Variants in AIG1 observed in about 807,000 individuals in gnomAD.
AIG1 encodes androgen induced 1.
In AIG1, 23 loss-of-function variants were observed where a neutral mutation model predicts 31.4. The observed-to-expected ratio is 0.73, with a 90% CI of 0.53 to 1.04. The LOEUF (loss-of-function observed/expected upper bound fraction) is 1.04, where lower values mean the gene tolerates loss of function less well. AIG1 is among the 50% of genes least tolerant of loss of function. The probability of loss-of-function intolerance (pLI) is 0.00; values close to 1 mark genes in which losing one functional copy is unlikely to be tolerated. For missense variants in AIG1, 274 were observed against 295.0 expected, an observed-to-expected ratio of 0.93 and a Z score of 0.52; for synonymous variants, 100 against 110.5, an observed-to-expected ratio of 0.90 and a Z score of 0.60.
chr6:143,210,586 T>C (rs1562492421), intron 3 of AIG1, among the ~76,000 whole-genome samples: 1 of 152,182 alleles, frequency 6.6e-6, no homozygotes, highest in Non-Finnish European at 1.5e-5. Context: ...AAGAGCCCTG[T>C]GATGCTGAAG....
chr6:143,106,377 C>T (rs1320187053), intron 1 of AIG1, among the ~76,000 whole-genome samples: 2 of 152,198 alleles, frequency 1.3e-5, no homozygotes, highest in African/African-American at 2.4e-5. Flanking sequence ...ACAGTAATTT[C>T]TGTTGTTTAA....
chr6:143,214,438 T>C (rs1791842824), intron 3 of AIG1, among the ~76,000 whole-genome samples: 1 of 152,198 alleles, frequency 6.6e-6, no homozygotes, highest in Non-Finnish European at 1.5e-5. Context: ...TCTAGGTTAT[T>C]ATTATTAGGC....
chr6:143,076,496 G>A (rs1183027089), intron 1 of AIG1, among the ~76,000 whole-genome samples: 2 of 151,894 alleles, frequency 1.3e-5, no homozygotes, highest in Non-Finnish European at 2.9e-5. Context: ...ACATATAGTT[G>A]CATCTTATTT....
At chr6:143,082,325 T>C (rs943280758) in intron 1 of AIG1, among the ~76,000 whole-genome samples, 1 of 152,110 alleles carries the variant, frequency 6.6e-6, no homozygotes, top group African/African-American at 2.4e-5. Context: ...AGTATACAAG[T>C]TGAGGTCGGG....
intron 3 of AIG1, among the ~76,000 whole-genome samples, chr6:143,213,501 CT>C (rs1791749463): frequency 1.3e-5 from 1 of 78,084 alleles, no homozygotes; most frequent in Non-Finnish European, 3.1e-5. Flanking sequence ...CTTTCTTTTT[CT>C]TTCTTCTTTT....
At chr6:143,235,681 A>G (rs1394175912) in intron 3 of AIG1, among the ~76,000 whole-genome samples, 1 of 152,224 alleles carries the variant, frequency 6.6e-6, no homozygotes, top group Non-Finnish European at 1.5e-5. Flanking sequence ...TAAATAAACA[A>G]CAGAAAAGGA....
chr6:143,301,864 A>G (rs935653005), intron 4 of AIG1, among the ~76,000 whole-genome samples: 3 of 152,226 alleles, frequency 2.0e-5, no homozygotes, highest in East Asian at 1.9e-4. Flanking sequence ...TAGAATATTG[A>G]TAGTGCTAGT....
At chr6:143,107,700 C>T (rs73777872) in intron 1 of AIG1, among the ~76,000 whole-genome samples, 42 of 152,234 alleles carry the variant, frequency 2.8e-4, no homozygotes, top group African/African-American at 9.9e-4. Context: ...GGGAAGAATT[C>T]TAGGTCAGAG....
intron 3 of AIG1, among the ~76,000 whole-genome samples, chr6:143,183,489 C>G (rs555927211): frequency 6.6e-6 from 1 of 152,162 alleles, no homozygotes; most frequent in Admixed American, 6.5e-5. Flanking sequence ...ACACCACGCC[C>G]GGTCAGACAA....
intron 2 of AIG1, among the ~76,000 whole-genome samples, chr6:143,162,522 G>T (rs558178525): frequency 1.3e-5 from 2 of 152,324 alleles, no homozygotes; most frequent in East Asian, 3.9e-4. Context: ...ATCCCCTGCT[G>T]CACCAGTGTG....
chr6:143,117,146 G>A (rs543327727), intron 1 of AIG1, among the ~76,000 whole-genome samples: 76 of 152,254 alleles, frequency 5.0e-4, no homozygotes, highest in African/African-American at 1.7e-3. Flanking sequence ...TGGAGGAAGT[G>A]AGGGTGCAGT....
chr6:143,097,792 G>A (rs192525429), intron 1 of AIG1, among the ~76,000 whole-genome samples: 1 of 152,234 alleles, frequency 6.6e-6, no homozygotes, highest in African/African-American at 2.4e-5. Flanking sequence ...AAAGCAATCG[G>A]AAGAAGCTTC....
Position 143,325,315 on chromosome 6 carries a change from G to T in AIG1, c.516-7967G>T, listed in dbSNP as rs899139808. Among the ~76,000 whole-genome samples, 1 of 152,090 alleles carries T rather than the reference G, an allele frequency of 6.6e-6. No homozygotes were observed. The highest frequency in any genetic ancestry group is 1.5e-5 in the Non-Finnish European group (1 of 68,032). On this transcript the variant is annotated intron_variant, in intron 4 of 5. Coordinates refer to ENST00000357847, the MANE Select transcript of AIG1 (RefSeq NM_016108.4). This position sits in a 1 kb window ranked among gnomAD's most constrained non-coding sequence, Gnocchi z 4.3. ...CCCTTTCATGGGCCCACTTCCTTCA[G>T]ACCCTGTACTCTTCCTGGGTCTCAG...
rs1795409670 is a variant in AIG1 at position 143,256,892 on chromosome 6, A to G, written c.400-27218A>G. On this transcript the variant is annotated intron_variant, in intron 3 of 5. Coordinates refer to ENST00000357847, the MANE Select transcript of AIG1 (RefSeq NM_016108.4). This position sits in a 1 kb window ranked among gnomAD's most constrained non-coding sequence, Gnocchi z 4.6. ...GGTAAAAATGTCAATAGGGGATGCA[A>G]AAATTAAGACAACATACATGTCCTT... is the stretch of plus-strand genomic sequence containing the variant. Among the ~76,000 whole-genome samples the G allele has an allele frequency of 6.6e-6, 1 of 152,228 alleles. No individual in the cohort carries two copies. Among genetic ancestry groups the G allele is most frequent in the Non-Finnish European group, 1.5e-5 (1 of 68,028 alleles).
chr6:143,086,205 G>A (rs1395276255), intron 1 of AIG1, among the ~76,000 whole-genome samples: 1 of 152,152 alleles, frequency 6.6e-6, no homozygotes, highest in Non-Finnish European at 1.5e-5. Flanking sequence ...ACTGTTTTCA[G>A]GCTACACCCT....
intron 1 of AIG1, among the ~76,000 whole-genome samples, chr6:143,129,566 A>G (rs1055378833): frequency 1.3e-5 from 2 of 152,228 alleles, no homozygotes; most frequent in Admixed American, 6.5e-5. Context: ...ACTGTTAATT[A>G]TATAAATCTG....
At chr6:143,177,861 T>A (rs896796899) in intron 3 of AIG1, among the ~76,000 whole-genome samples, 1 of 152,158 alleles carries the variant, frequency 6.6e-6, no homozygotes, top group Non-Finnish European at 1.5e-5. Context: ...GATCTGCTGC[T>A]GGAGGGGCTG....
intron 4 of AIG1, among the ~76,000 whole-genome samples, chr6:143,312,963 A>G (rs1289747256): frequency 6.6e-6 from 1 of 152,182 alleles, no homozygotes; most frequent in Non-Finnish European, 1.5e-5. Flanking sequence ...GGTGCTCAAC[A>G]TCACTGATCA....
chr6:143,093,078 C>T (rs937645573), intron 1 of AIG1, among the ~76,000 whole-genome samples: 1 of 151,930 alleles, frequency 6.6e-6, no homozygotes, highest in African/African-American at 2.4e-5. Flanking sequence ...TCATCCCTCC[C>T]CTCACAAAAA....
Sources: gnomAD v4.1 joint callset for allele counts (sites outside exome capture counted in the v4.1 genomes callset) on GRCh38, gnomAD v4.1.1 for gene constraint, Gnocchi (gnomAD v3.1) non-coding constraint, MANE v1.5 for transcripts, NCBI Gene and HGNC (gene_info 2026-07-23, HGNC 2026-07-21) for gene names.